SH3GL2: variants seen among roughly 807,000 people sequenced by gnomAD.
SH3GL2 encodes the protein SH3 domain containing GRB2 like 2, endophilin A1.
SH3GL2 carries 24 observed loss-of-function variants against 46.0 expected under a neutral mutation model. The observed-to-expected ratio is 0.52, with a 90% CI of 0.38 to 0.73. SH3GL2 has a LOEUF of 0.73. Ranked by LOEUF, SH3GL2 falls within the 30% of genes least tolerant of loss-of-function variation. The pLI, the probability that SH3GL2 is intolerant of heterozygous loss-of-function variation, is 0.00. For synonymous variants in SH3GL2, 196 were observed against 147.1 expected (o/e 1.33, Z -2.40); for missense variants, 413 against 424.2 (o/e 0.97, Z 0.23).
At chr9:17,604,448 C>T (rs1818727938) in intron 1 of SH3GL2, among the ~76,000 whole-genome samples, 1 of 152,142 alleles carries the variant, frequency 6.6e-6, no homozygotes, top group African/African-American at 2.4e-5. Context: ...TGAATCTTAG[C>T]CGTTTGTTAT....
intron 1 of SH3GL2, among the ~76,000 whole-genome samples, chr9:17,745,428 C>G (rs12554889): frequency 0.16 from 25,021 of 152,100 alleles, 2,521 homozygotes; most frequent in African/African-American, 0.26. Context: ...TCTTACAATT[C>G]TTATGCCATT....
At chr9:17,641,171 G>A (rs1466095547) in intron 1 of SH3GL2, among the ~76,000 whole-genome samples, 2 of 152,130 alleles carry the variant, frequency 1.3e-5, no homozygotes, top group Non-Finnish European at 2.9e-5. Flanking sequence ...CTGTGCTTGA[G>A]TTGAATATTA....
intron 2 of SH3GL2, among the ~76,000 whole-genome samples, chr9:17,759,145 C>G (rs1823094924): frequency 6.6e-6 from 1 of 152,100 alleles, no homozygotes; most frequent in Admixed American, 6.5e-5. Flanking sequence ...TCCCTGTGGG[C>G]CAGGTGGGAT....
intron 1 of SH3GL2, among the ~76,000 whole-genome samples, chr9:17,635,209 C>T (rs1021165918): frequency 2.6e-5 from 4 of 152,268 alleles, no homozygotes; most frequent in Non-Finnish European, 4.4e-5. Flanking sequence ...CATCATTTAG[C>T]ACCCACTTAC....
At chr9:17,753,017 A>G (rs191003564) in intron 2 of SH3GL2, among the ~76,000 whole-genome samples, 1 of 152,248 alleles carries the variant, frequency 6.6e-6, no homozygotes, top group Non-Finnish European at 1.5e-5. Flanking sequence ...AGGTTCATCC[A>G]TGTCCCTGCA....
intron 1 of SH3GL2, among the ~76,000 whole-genome samples, chr9:17,625,623 A>G (rs539751026): frequency 9.2e-5 from 14 of 152,328 alleles, no homozygotes; most frequent in South Asian, 6.2e-4. Context: ...AGTAGCAAAG[A>G]GCTAGTAAGT....
intron 3 of SH3GL2, among the ~76,000 whole-genome samples, chr9:17,775,810 A>G (rs915020228): frequency 2.0e-5 from 3 of 152,130 alleles, no homozygotes; most frequent in African/African-American, 7.2e-5. Flanking sequence ...TAAAGATGTG[A>G]CTTGGAGTAC....
intron 1 of SH3GL2, among the ~76,000 whole-genome samples, chr9:17,672,854 T>C (rs1588224373): frequency 2.0e-5 from 3 of 152,320 alleles, no homozygotes; most frequent in Non-Finnish European, 1.5e-5. Flanking sequence ...TCCAAATGCA[T>C]ACCTCCAGCC....
intron 1 of SH3GL2, among the ~76,000 whole-genome samples, chr9:17,588,144 C>CA (rs1818414666): frequency 6.6e-6 from 1 of 152,112 alleles, no homozygotes; most frequent in Admixed American, 6.5e-5. Flanking sequence ...TTCAGGGACT[C>CA]AGGATGACCC....
intron 1 of SH3GL2, among the ~76,000 whole-genome samples, chr9:17,726,140 C>G (rs942003031): frequency 2.3e-4 from 35 of 152,084 alleles, no homozygotes; most frequent in Non-Finnish European, 1.3e-4. Context: ...AAGTAATTTT[C>G]ACCAGTTAAA....
intron 1 of SH3GL2, among the ~76,000 whole-genome samples, chr9:17,745,415 T>A (rs968777238): frequency 6.6e-6 from 1 of 152,200 alleles, no homozygotes; most frequent in African/African-American, 2.4e-5. Flanking sequence ...TTCAGACATA[T>A]GCTCTTACAA....
chr9:17,627,571 A>T (rs1260950900), intron 1 of SH3GL2, among the ~76,000 whole-genome samples: 1 of 152,252 alleles, frequency 6.6e-6, no homozygotes, highest in African/African-American at 2.4e-5. Flanking sequence ...TTAATGTCAC[A>T]TTGGCATGAA....
intron 8 of SH3GL2, among the ~76,000 whole-genome samples, chr9:17,794,441 C>A (rs1337709552): frequency 6.6e-6 from 1 of 152,174 alleles, no homozygotes; most frequent in Non-Finnish European, 1.5e-5. Flanking sequence ...CTCAGCACTT[C>A]AGGGCATGAC....
intron 1 of SH3GL2, among the ~76,000 whole-genome samples, chr9:17,708,090 C>T (rs1356933645): frequency 1.3e-5 from 2 of 151,996 alleles, no homozygotes; most frequent in Admixed American, 1.3e-4. Flanking sequence ...TTCAGTGTTG[C>T]CCTGAGGGCC....
At chr9:17,659,532 ATAGT>A (rs1467214462) in intron 1 of SH3GL2, among the ~76,000 whole-genome samples, 2 of 152,164 alleles carry the variant, frequency 1.3e-5, no homozygotes, top group African/African-American at 2.4e-5. Flanking sequence ...GACTAGGAAA[ATAGT>A]TAAACTCTAG....
chr9:17,636,521 T>C (rs965540983), intron 1 of SH3GL2, among the ~76,000 whole-genome samples: 1 of 152,228 alleles, frequency 6.6e-6, no homozygotes, highest in Admixed American at 6.5e-5. Flanking sequence ...CCTTTTTCAC[T>C]ACTGGAGTCA....
At chr9:17,763,368 A>T (rs1271550940) in intron 3 of SH3GL2, among the ~76,000 whole-genome samples, 1 of 152,166 alleles carries the variant, frequency 6.6e-6, no homozygotes, top group Non-Finnish European at 1.5e-5. Context: ...GTAAGTAGTG[A>T]TGTAGGATCT....
At chr9:17,784,493 T>C (rs746666271) in intron 3 of SH3GL2, among the ~76,000 whole-genome samples, 41 of 152,172 alleles carry the variant, frequency 2.7e-4, no homozygotes, top group Non-Finnish European at 3.8e-4. Context: ...TGTTGTTTAT[T>C]TTATTTGCAC....
chr9:17,683,040 C>T (rs1391598263), intron 1 of SH3GL2, among the ~76,000 whole-genome samples: 2 of 152,012 alleles, frequency 1.3e-5, no homozygotes, highest in African/African-American at 2.4e-5. Flanking sequence ...GGTCATAGAG[C>T]AACTAACTAG....
Sources: gnomAD v4.1 joint callset for allele counts (sites outside exome capture counted in the v4.1 genomes callset) on GRCh38, gnomAD v4.1.1 for gene constraint, MANE v1.5 for transcripts, NCBI Gene and HGNC (gene_info 2026-07-23, HGNC 2026-07-21) for gene names.